THEMIS: variants seen among roughly 807,000 people sequenced by gnomAD.
The protein encoded by THEMIS is protein THEMIS.
THEMIS carries 37 observed loss-of-function variants against 52.6 expected under a neutral mutation model. The observed-to-expected ratio is 0.70, with a 90% CI of 0.54 to 0.93. THEMIS has a LOEUF of 0.93. Ranked by LOEUF, THEMIS falls within the 40% of genes least tolerant of loss-of-function variation. THEMIS has a pLI of 0.00. For synonymous variants in THEMIS, 292 were observed against 272.7 expected (o/e 1.07, Z -0.70); for missense variants, 808 against 763.1 (o/e 1.06, Z -0.69).
chr6:127,787,382 G>C (rs570049867), intron 4 of THEMIS, among the ~76,000 whole-genome samples: 1 of 151,976 alleles, frequency 6.6e-6, no homozygotes, highest in South Asian at 2.1e-4. Context: ...GATATCACTA[G>C]TCCACTAGGT....
chr6:127,803,864 T>C (rs751671538), intron 4 of THEMIS, among the ~76,000 whole-genome samples: 10 of 152,150 alleles, frequency 6.6e-5, no homozygotes, highest in Non-Finnish European at 1.3e-4. Context: ...AGAGGTATAG[T>C]TGAAAACTGT....
At chr6:127,915,249 GTTGTTGT>G (rs952819386) in intron 1 of THEMIS, among the ~76,000 whole-genome samples, 4 of 25,610 alleles carry the variant, frequency 1.6e-4, no homozygotes, top group Admixed American at 3.6e-4. Context: ...GTATCATTTT[GTTGTTGT>G]TTGTTTGTTT....
chr6:127,730,430 A>G (rs1774747781), intron 4 of THEMIS, among the ~76,000 whole-genome samples: 1 of 145,218 alleles, frequency 6.9e-6, no homozygotes, highest in Non-Finnish European at 1.5e-5. Context: ...GGAGGGAGGG[A>G]GGCAGGAAGA....
chr6:127,888,324 C>T lies in THEMIS; in HGVS notation c.91+12518G>A, dbSNP rs988155669. ...AATCTGACATCCATGATTCTAGATG[C>T]TATGTTGAGAATAGATTTTAGAAAT... On this transcript the variant is annotated intron_variant, in intron 1 of 5. Coordinates refer to ENST00000368248, the MANE Select transcript of THEMIS (RefSeq NM_001010923.3). 2.6e-5 allele frequency among the ~76,000 whole-genome samples: 4 copies of T among 151,778 alleles called. No individual in the cohort carries two copies. In the South Asian group the frequency reaches 6.2e-4, roughly 24 times the overall value.
intron 1 of THEMIS, among the ~76,000 whole-genome samples, chr6:127,862,428 A>ATTTTTTTTTTTTTTTTTTTT (rs71028110): frequency 0.014 from 1,042 of 72,704 alleles, 148 homozygotes; most frequent in Non-Finnish European, 0.017. Flanking sequence ...TAGGGAGTAA[A>ATTTTTTTTTTTTTTTTTTTT]TTTTTTTTTT....
At position 127,799,481 on chromosome 6, in the gene THEMIS, CA is replaced by C. The variant is rs559521902; in HGVS notation, c.1758+13401del. Among the ~76,000 whole-genome samples, 14 of 152,288 alleles carry C rather than the reference CA, an allele frequency of 9.2e-5. No homozygotes were observed. The East Asian group carries it at 2.7e-3, about 29-fold the overall frequency. On this transcript the variant is annotated intron_variant, in intron 4 of 5. Coordinates refer to ENST00000368248, the MANE Select transcript of THEMIS (RefSeq NM_001010923.3). Reference sequence around the variant, plus strand: ...AGTCAGTAGATGGTGGTGGCATTTGCAAAGATAAGAAATGAGAACCCCATTG... The same window carrying C: ...AGTCAGTAGATGGTGGTGGCATTTGCAAGATAAGAAATGAGAACCCCATTG...
chr6:127,850,498 A>C (rs567031908), intron 2 of THEMIS, among the ~76,000 whole-genome samples: 6 of 151,946 alleles, frequency 3.9e-5, no homozygotes, highest in Admixed American at 1.3e-4. Context: ...ACTGTCCATC[A>C]ACCAACAAAT....
chr6:127,893,073 G>A lies in THEMIS; in HGVS notation c.91+7769C>T, dbSNP rs72971896. On this transcript the variant is annotated intron_variant, in intron 1 of 5. Coordinates refer to ENST00000368248, the MANE Select transcript of THEMIS (RefSeq NM_001010923.3). ...TTAGTCTTTCTTCCACATTTATGTA[G>A]TTTGGGTTTTTTTGGAATAAGGAAG... Among the ~76,000 whole-genome samples, 386 of 152,038 alleles carry A rather than the reference G, an allele frequency of 2.5e-3. 2 individuals carry two copies. Among genetic ancestry groups the A allele is most frequent in the Admixed American group, 4.3e-3 (65 of 15,252 alleles).
In THEMIS at chr6:127,851,293, C is replaced by G. The variant is rs535959033; in HGVS notation, c.250+3737G>C. ...AAAAACAATCTACACATTCAAGAAA[C>G]TTAATACACTTCAAGTAGACTAAAC... is the stretch of plus-strand genomic sequence containing the variant. On this transcript the variant is annotated intron_variant, in intron 2 of 5. Transcript: ENST00000368248. Among the ~76,000 whole-genome samples the G allele has an allele frequency of 1.7e-4, 25 of 151,466 alleles. 1 individual carries two copies. In the South Asian group the frequency reaches 5.2e-3, roughly 31 times the overall value.
intron 3 of THEMIS, among the ~76,000 whole-genome samples, chr6:127,818,641 C>T (rs1277411112): frequency 6.8e-6 from 1 of 147,558 alleles, no homozygotes; most frequent in Non-Finnish European, 1.5e-5. Context: ...TCTGAAGAGA[C>T]AAATCAAGCA....
intron 4 of THEMIS, among the ~76,000 whole-genome samples, chr6:127,787,704 C>T (rs942118945): frequency 4.6e-5 from 7 of 151,982 alleles, no homozygotes; most frequent in African/African-American, 1.7e-4. Flanking sequence ...CAAACATCAG[C>T]ATGGCATGAG....
At chr6:127,697,799 A>G in the THEMIS span, among the ~76,000 whole-genome samples, 1 of 152,154 alleles carries the variant, frequency 6.6e-6, no homozygotes, top group African/African-American at 2.4e-5. Flanking sequence ...TAGCACTGCC[A>G]CTTCTAGAGC....
intron 1 of THEMIS, among the ~76,000 whole-genome samples, chr6:127,898,765 A>C (rs1781046876): frequency 1.3e-5 from 2 of 151,910 alleles, no homozygotes; most frequent in South Asian, 4.1e-4. Flanking sequence ...TAGACAAATA[A>C]AATGTGGAAT....
chr6:127,831,980 A>T (rs1317963878), intron 2 of THEMIS, among the ~76,000 whole-genome samples: 1 of 152,138 alleles, frequency 6.6e-6, no homozygotes, highest in African/African-American at 2.4e-5. Context: ...TTTATTTCTA[A>T]GAGTCCACAA....
intron 5 of THEMIS, among the ~76,000 whole-genome samples, chr6:127,715,477 C>T (rs1468337139): frequency 2.6e-5 from 4 of 151,834 alleles, no homozygotes; most frequent in African/African-American, 9.7e-5. Flanking sequence ...CTCTTGATCC[C>T]ATATAATCAG....
Position 127,813,422 on chromosome 6 carries a change from CT to C in THEMIS, c.1218del (p.Val407TrpfsTer2), listed in dbSNP as rs1425728909. ...TTEVLCEGIK[K>X]VVNVLACEKI... ...TTTTCACAGGCCAGAACATTCACCA[CT>C]TTTTTTATTCCCTCACAGAGGACTT... On this transcript the variant is annotated frameshift_variant, in exon 4 of 6. Transcript: ENST00000368248. LOFTEE classifies it high-confidence loss of function. The C allele has an allele frequency of 1.9e-6, 3 of 1,613,934 alleles. No individual in the cohort carries two copies. Among genetic ancestry groups the C allele is most frequent in the Non-Finnish European group, 2.5e-6 (3 of 1,179,954 alleles).
rs1476711254 is a variant in THEMIS at position 127,709,972 on chromosome 6, C to T, written c.*13G>A. 5 of 1,586,448 alleles carry T rather than the reference C, an allele frequency of 3.2e-6. No homozygotes were observed. The highest frequency in any genetic ancestry group is 4.3e-6 in the Non-Finnish European group (5 of 1,168,472). On this transcript the variant is annotated 3_prime_UTR_variant, in exon 6 of 6. Coordinates refer to ENST00000368248, the MANE Select transcript of THEMIS (RefSeq NM_001010923.3). ...TTTATGTTTGCTGCCTAAGTGGCTT[C>T]TGTCACATCTTGTTATTTTTGATGT...
chr6:127,781,599 T>C (rs1776746278), intron 4 of THEMIS, among the ~76,000 whole-genome samples: 1 of 152,190 alleles, frequency 6.6e-6, no homozygotes, highest in Admixed American at 6.5e-5. Context: ...TTTTTCTTGA[T>C]GCTGATGCTA....
intron 1 of THEMIS, among the ~76,000 whole-genome samples, chr6:127,891,796 T>C (rs544876068): frequency 6.6e-6 from 1 of 152,188 alleles, no homozygotes; most frequent in African/African-American, 2.4e-5. Flanking sequence ...CATTGGCGTC[T>C]CATAAAACCC....
Sources: allele counts gnomAD v4.1 joint callset (sites outside exome capture counted in the v4.1 genomes callset), GRCh38; gene constraint gnomAD v4.1.1; transcripts MANE v1.5; gene names NCBI Gene and HGNC (gene_info 2026-07-23, HGNC 2026-07-21).